FIG4: variants seen among roughly 807,000 people sequenced by gnomAD.
FIG4 encodes the protein FIG4 phosphoinositide 5-phosphatase.
In FIG4, 112 loss-of-function variants were observed where a neutral mutation model predicts 118.6. That is an observed-to-expected ratio of 0.94 (90% CI 0.81 to 1.11). FIG4 has a LOEUF of 1.11. Among genes scored for constraint, FIG4 ranks in the 50% least tolerant of loss-of-function variants. FIG4 has a pLI of 0.00. For missense variants in FIG4, 969 were observed against 1,111.7 expected, an observed-to-expected ratio of 0.87 and a Z score of 1.83; for synonymous variants, 369 against 381.2, an observed-to-expected ratio of 0.97 and a Z score of 0.37.
At chr6:109,727,972 T>G (rs998777414) in intron 4 of FIG4, among the ~76,000 whole-genome samples, 6 of 152,188 alleles carry the variant, frequency 3.9e-5, no homozygotes, top group Admixed American at 1.3e-4. Context: ...GATTCTGGGT[T>G]AAAAGTGCAT....
intron 16 of FIG4, among the ~76,000 whole-genome samples, chr6:109,781,423 C>T (rs1777798757): frequency 6.6e-6 from 1 of 152,098 alleles, no homozygotes; most frequent in Non-Finnish European, 1.5e-5. Flanking sequence ...CAGTTGAGGT[C>T]AATGTTCTTC....
At chr6:109,783,065 A>C (rs1777851877) in intron 16 of FIG4, among the ~76,000 whole-genome samples, 1 of 152,216 alleles carries the variant, frequency 6.6e-6, no homozygotes, top group Admixed American at 6.5e-5. Context: ...CTGAATGATG[A>C]GAACACATGG....
intron 15 of FIG4, among the ~76,000 whole-genome samples, chr6:109,775,444 C>A (rs892863826): frequency 6.6e-5 from 10 of 152,062 alleles, no homozygotes; most frequent in African/African-American, 2.4e-4. Context: ...TTAAAGGTAA[C>A]TGCTGTTAAA....
rs1243225247 is a variant in FIG4, at chr6:109,777,009, A to G, written c.1838A>G (p.Asp613Gly). 9.9e-6 allele frequency: 16 copies of G among 1,613,604 alleles called. No individual in the cohort carries two copies. Among genetic ancestry groups the G allele is most frequent in the African/African-American group, 2.7e-5 (2 of 74,856 alleles). Residue 613 changes from aspartate to glycine, a missense_variant, in exon 16 of 23, where the codon GAT becomes GGT. By Grantham distance (94) the Asp-to-Gly change is moderately conservative. This residue lies in a region of FIG4 where 246 missense variants were observed against 354.3 expected (regional missense o/e 0.69). Coordinates refer to ENST00000230124, the MANE Select transcript of FIG4 (RefSeq NM_014845.6). The stretch of plus-strand genomic sequence containing the variant: ...CCTCATCTCTGGGAGCTCCCAACAG[A>G]TTTTTATTTGCATCACAAAAATACC... The part of the protein sequence containing the change: ...GKPHLWELPT[D>G]FYLHHKNTMR...
intron 22 of FIG4, among the ~76,000 whole-genome samples, chr6:109,824,640 G>C (rs533154565): frequency 1.3e-5 from 2 of 152,302 alleles, no homozygotes; most frequent in South Asian, 4.1e-4. Flanking sequence ...ATTTATTCCT[G>C]TTTACAACTA....
At chr6:109,767,742 G>A (rs1397068724) in intron 15 of FIG4, among the ~76,000 whole-genome samples, 1 of 152,244 alleles carries the variant, frequency 6.6e-6, no homozygotes, top group South Asian at 2.1e-4. Flanking sequence ...CGTGGTGATG[G>A]GGGCCTGTAG....
intron 4 of FIG4, among the ~76,000 whole-genome samples, chr6:109,729,945 A>G (rs945806589): frequency 1.2e-4 from 18 of 152,136 alleles, no homozygotes; most frequent in African/African-American, 2.9e-4. Context: ...AACTTCAAAC[A>G]TTATTAAAAG....
chr6:109,706,189 C>CT (rs759963568), intron 1 of FIG4, among the ~76,000 whole-genome samples: 2 of 152,232 alleles, frequency 1.3e-5, no homozygotes, highest in Non-Finnish European at 2.9e-5. Flanking sequence ...TTAGACAAGA[C>CT]TTTCAGAAGT....
chr6:109,810,013 C>A (rs1396335196), intron 22 of FIG4, among the ~76,000 whole-genome samples: 1 of 152,104 alleles, frequency 6.6e-6, no homozygotes, highest in African/African-American at 2.4e-5. Flanking sequence ...CACAGTCAGA[C>A]ACAGTAGTGC....
chr6:109,759,417 G>C (rs777321138), intron 10 of FIG4, among the ~76,000 whole-genome samples: 2 of 148,852 alleles, frequency 1.3e-5, no homozygotes, highest in Admixed American at 6.7e-5. Flanking sequence ...AAAGTATTAA[G>C]AAAAAAAAAG....
At position 109,754,491 on chromosome 6, in the gene FIG4, A is replaced by G. The variant is rs544876820; in HGVS notation, c.1138-5759A>G. Among the ~76,000 whole-genome samples the G allele has an allele frequency of 3.3e-3, 497 of 152,208 alleles. 2 individuals carry two copies. The highest frequency in any genetic ancestry group is 0.012 in the African/African-American group (483 of 41,540). On this transcript the variant is annotated intron_variant, in intron 10 of 22. Coordinates refer to ENST00000230124, the MANE Select transcript of FIG4 (RefSeq NM_014845.6). ...GGGAGGATTACCTCTTTTTCTATTG[A>G]TTGGAATAGTTTCAGAAGGAATGGT...
At chr6:109,821,979 G>A (rs1483135833) in intron 22 of FIG4, among the ~76,000 whole-genome samples, 1 of 152,130 alleles carries the variant, frequency 6.6e-6, no homozygotes, top group African/African-American at 2.4e-5. Context: ...GTTCGAGGTT[G>A]CAGTGAGCCA....
intron 20 of FIG4, 79 bp downstream of exon 20, chr6:109,791,650 G>A: frequency 2.3e-6 from 3 of 1,283,096 alleles, no homozygotes; most frequent in Non-Finnish European, 3.4e-6. Flanking sequence ...CAGTTAAAAG[G>A]CTGAGAGCAA....
intron 11 of FIG4, among the ~76,000 whole-genome samples, chr6:109,761,099 G>A (rs984207715): frequency 1.8e-4 from 27 of 152,018 alleles, no homozygotes; most frequent in African/African-American, 6.5e-4. Flanking sequence ...TGTACTTATT[G>A]TACTTTTTTC....
At chr6:109,692,358 T>C (rs569635417) in intron 1 of FIG4, among the ~76,000 whole-genome samples, 19 of 152,220 alleles carry the variant, frequency 1.2e-4, no homozygotes, top group Non-Finnish European at 2.6e-4. Context: ...CTTCACTATG[T>C]TATAGAGTGC....
At position 109,735,243 on chromosome 6, in the gene FIG4, C is replaced by T. The variant is rs1776126301; in HGVS notation, c.591C>T (p.Arg197=). The T allele has an allele frequency of 1.2e-6, 2 of 1,613,428 alleles. No homozygotes were observed. The highest frequency in any genetic ancestry group is 2.7e-5 in the African/African-American group (2 of 74,850). ...EMLKSEMTQN[R]QESFDIFEDE... Reference sequence around the variant, plus strand: ...TAAAGTCAGAAATGACCCAGAATCGCCAAGAGAGCTTTGACATCTTTGAAG... The same window carrying T: ...TAAAGTCAGAAATGACCCAGAATCGTCAAGAGAGCTTTGACATCTTTGAAG... Residue 197 remains arginine (R), a synonymous_variant, in exon 6 of 23, where the codon CGC becomes CGT. Transcript: ENST00000230124.
At chr6:109,802,235 C>A (rs1562692585) in intron 22 of FIG4, among the ~76,000 whole-genome samples, 1 of 152,076 alleles carries the variant, frequency 6.6e-6, no homozygotes, top group African/African-American at 2.4e-5. Flanking sequence ...CTCTTTCTCC[C>A]CTCCCCATTT....
rs962631596 is a variant in FIG4, at chr6:109,757,336, C to A, written c.1138-2914C>A. Among the ~76,000 whole-genome samples the A allele has an allele frequency of 6.6e-5, 10 of 152,174 alleles. No individual in the cohort carries two copies. In the South Asian group the frequency reaches 1.0e-3, roughly 16 times the overall value. ...CATATGCGAATCAATAAACGTAATC[C>A]ATCACATAACCAGAACCAATGACAA... On this transcript the variant is annotated intron_variant, in intron 10 of 22. Transcript: ENST00000230124.
chr6:109,773,463 C>A (rs1214823658), intron 15 of FIG4, among the ~76,000 whole-genome samples: 1 of 152,152 alleles, frequency 6.6e-6, no homozygotes. Flanking sequence ...TTTTCTACTT[C>A]AATACCCATT....
Sources: allele counts gnomAD v4.1 joint callset (sites outside exome capture counted in the v4.1 genomes callset), GRCh38; gene constraint gnomAD v4.1.1; regional missense constraint gnomAD v4.1.1; transcripts MANE v1.5; gene names NCBI Gene and HGNC (gene_info 2026-07-23, HGNC 2026-07-21).